The following SOX5 variants were observed in gnomAD, a reference collection of about 807,000 sequenced individuals.
SOX5 encodes the protein transcription factor SOX-5.
SOX5 carries 9 observed loss-of-function variants against 92.0 expected under a neutral mutation model. The observed-to-expected ratio is 0.10, with a 90% confidence interval of 0.06 to 0.17. The LOEUF is 0.17. Among genes scored for constraint, SOX5 ranks in the 10% least tolerant of loss-of-function variants. The probability of loss-of-function intolerance (pLI) is 1.00; values close to 1 mark genes in which losing one functional copy is unlikely to be tolerated. For synonymous variants in SOX5, 344 were observed against 336.3 expected (o/e 1.02, Z -0.25); for missense variants, 642 against 944.5 (o/e 0.68, Z 4.20).
At chr12:24,375,022 C>G (rs935831790) in intron 1 of SOX5, among the ~76,000 whole-genome samples, 3 of 151,960 alleles carry the variant, frequency 2.0e-5, no homozygotes, top group East Asian at 1.9e-4. Context: ...ACCCAGGCTG[C>G]AGTGCAGTGG....
At chr12:24,276,526 C>G (rs1347624207) in intron 3 of SOX5, among the ~76,000 whole-genome samples, 1 of 152,148 alleles carries the variant, frequency 6.6e-6, no homozygotes, top group African/African-American at 2.4e-5. Flanking sequence ...TCCTGAACAA[C>G]AGAATTCCTT....
intron 4 of SOX5, among the ~76,000 whole-genome samples, chr12:24,194,355 G>A (rs760866932): frequency 1.3e-5 from 2 of 151,938 alleles, no homozygotes; most frequent in Non-Finnish European, 2.9e-5. Flanking sequence ...TAATAAATAT[G>A]GAACCCATAC....
chr12:24,338,220 A>C (rs1799102548), intron 2 of SOX5, among the ~76,000 whole-genome samples: 1 of 152,192 alleles, frequency 6.6e-6, no homozygotes, highest in African/African-American at 2.4e-5. Flanking sequence ...CATAAATATT[A>C]CTGTATTGGT....
chr12:24,112,922 G>A (rs1249260386), intron 4 of SOX5, among the ~76,000 whole-genome samples: 4 of 151,522 alleles, frequency 2.6e-5, no homozygotes, highest in Non-Finnish European at 5.9e-5. Context: ...TTTTCAATAT[G>A]TGGAAGTTTA....
intron 7 of SOX5, among the ~76,000 whole-genome samples, chr12:23,654,701 T>C (rs2054472): frequency 0.74 from 111,764 of 151,968 alleles, 41,850 homozygotes; most frequent in African/African-American, 0.89. Context: ...TTTCGAAATG[T>C]GGAAGATCTG....
chr12:24,452,867 T>G (rs61910423), intron 1 of SOX5, among the ~76,000 whole-genome samples: 114 of 152,320 alleles, frequency 7.5e-4, no homozygotes, highest in Non-Finnish European at 1.1e-3. Context: ...TTGAGCATAT[T>G]CTTCCTTTGA....
intron 4 of SOX5, among the ~76,000 whole-genome samples, chr12:24,192,823 T>C (rs1956654611): frequency 6.6e-6 from 1 of 152,178 alleles, no homozygotes; most frequent in Admixed American, 6.5e-5. Flanking sequence ...TCCTCCAGCC[T>C]CTTCCCCCAG....
At chr12:23,667,313 G>A (rs554417030) in intron 6 of SOX5, among the ~76,000 whole-genome samples, 9 of 152,058 alleles carry the variant, frequency 5.9e-5, no homozygotes, top group African/African-American at 7.2e-5. Flanking sequence ...TACTTTAATC[G>A]TTTATAATAT....
chr12:24,257,606 T>C (rs1354672074), intron 3 of SOX5, among the ~76,000 whole-genome samples: 1 of 151,976 alleles, frequency 6.6e-6, no homozygotes, highest in African/African-American at 2.4e-5. Flanking sequence ...GTAGCTAGGA[T>C]TACAGGCACG....
At chr12:24,349,403 T>C (rs1374768006) in intron 2 of SOX5, among the ~76,000 whole-genome samples, 1 of 152,166 alleles carries the variant, frequency 6.6e-6, no homozygotes, top group Non-Finnish European at 1.5e-5. Flanking sequence ...AAACTGAAGG[T>C]CTATAGCCCT....
chr12:23,755,734 G>GA lies in SOX5; in HGVS notation c.482-11dup. 3 of 1,520,364 alleles carry GA rather than the reference G, an allele frequency of 2.0e-6. No homozygotes were observed. The highest frequency in any genetic ancestry group is 2.7e-6 in the Non-Finnish European group (3 of 1,128,106). The allele number at this position is 1,520,364 out of a possible 1,614,324, so 94.2% of individuals were successfully genotyped here. On this transcript the variant is annotated splice_polypyrimidine_tract_variant and intron_variant, in intron 3 of 14. Transcript: ENST00000451604. ...TCAATACTGGGGGTTTCTAAGTAAAGAAAAAAAGAAGTGAGCAAATCAACA... is the reference window on the plus strand; with the variant it reads ...TCAATACTGGGGGTTTCTAAGTAAAGAAAAAAAAGAAGTGAGCAAATCAACA...
At chr12:23,707,894 GT>G (rs1340909268) in intron 6 of SOX5, among the ~76,000 whole-genome samples, 2 of 152,070 alleles carry the variant, frequency 1.3e-5, no homozygotes, top group Non-Finnish European at 2.9e-5. Flanking sequence ...GGGTGGATTT[GT>G]TCTCTATATT....
intron 2 of SOX5, among the ~76,000 whole-genome samples, chr12:24,360,600 C>T (rs2136170738): frequency 6.6e-6 from 1 of 152,286 alleles, no homozygotes; most frequent in African/African-American, 2.4e-5. Context: ...CTGACCTATG[C>T]AGCCTCGAGG....
intron 1 of SOX5, among the ~76,000 whole-genome samples, chr12:23,907,813 TA>T (rs1568867844): frequency 2.6e-5 from 4 of 152,266 alleles, no homozygotes; most frequent in East Asian, 3.9e-4. Flanking sequence ...GCATCCTCTA[TA>T]AAAAAATCAT....
chr12:23,751,117 A>G (rs4350437), intron 4 of SOX5, among the ~76,000 whole-genome samples: 90,616 of 151,636 alleles, frequency 0.6, 28,179 homozygotes, highest in East Asian at 0.81. Context: ...GATTAAAAAC[A>G]TTAAACATTT....
chr12:24,182,062 T>C (rs1955552919), intron 4 of SOX5, among the ~76,000 whole-genome samples: 1 of 152,174 alleles, frequency 6.6e-6, no homozygotes. Flanking sequence ...TAAAACACAA[T>C]AGGTTTCTCA....
At chr12:24,476,994 T>TAAA (rs1566261793) in intron 1 of SOX5, among the ~76,000 whole-genome samples, 1 of 15,722 alleles carries the variant, frequency 6.4e-5, no homozygotes, top group African/African-American at 2.7e-4. Flanking sequence ...AAGACCCCTC[T>TAAA]CAAAAAAAAA....
intron 8 of SOX5, among the ~76,000 whole-genome samples, chr12:23,638,900 A>C (rs951741701): frequency 6.6e-6 from 1 of 151,876 alleles, no homozygotes; most frequent in South Asian, 2.1e-4. Context: ...AAAAAAAAAA[A>C]ACAACTTTTT....
intron 8 of SOX5, among the ~76,000 whole-genome samples, chr12:23,624,693 G>C (rs1039747395): frequency 6.6e-6 from 1 of 152,192 alleles, no homozygotes; most frequent in Admixed American, 6.5e-5. Context: ...TTCTGAGGTT[G>C]TCAAGGAGAT....
Sources: allele counts gnomAD v4.1 joint callset (sites outside exome capture counted in the v4.1 genomes callset), GRCh38; gene constraint gnomAD v4.1.1; transcripts MANE v1.5; gene names NCBI Gene and HGNC (gene_info 2026-07-23, HGNC 2026-07-21).